The following DCC variants were observed in gnomAD, a reference collection of about 807,000 sequenced individuals.
DCC encodes the protein netrin receptor DCC.
Under a neutral mutation model 172.5 loss-of-function variants are expected in DCC, and 58 were observed. The ratio of observed to expected loss-of-function variants is 0.34; its 90% confidence interval spans 0.27 to 0.42. The LOEUF (loss-of-function observed/expected upper bound fraction) is 0.42. DCC is among the 10% of genes least tolerant of loss of function. The probability of loss-of-function intolerance (pLI) is 1.00; values close to 1 mark genes in which losing one functional copy is unlikely to be tolerated. For synonymous variants in DCC, 709 were observed against 644.5 expected (o/e 1.10, Z -1.52); for missense variants, 1,740 against 1,791.0 (o/e 0.97, Z 0.51).
chr18:53,471,442 T>C (rs1255593730), intron 25 of DCC, among the ~76,000 whole-genome samples: 1 of 152,196 alleles, frequency 6.6e-6, no homozygotes, highest in African/African-American at 2.4e-5. Flanking sequence ...AGCCTTTGCC[T>C]TTACAGTCAA....
At chr18:52,347,819 A>G (rs910958125) in intron 1 of DCC, among the ~76,000 whole-genome samples, 3 of 152,136 alleles carry the variant, frequency 2.0e-5, no homozygotes, top group Admixed American at 1.3e-4. Flanking sequence ...GACTAGATCA[A>G]CTCTAGTTAT....
At chr18:52,737,061 G>A (rs1161203419) in intron 1 of DCC, among the ~76,000 whole-genome samples, 1 of 152,142 alleles carries the variant, frequency 6.6e-6, no homozygotes, top group Non-Finnish European at 1.5e-5. Flanking sequence ...CATTCAAGGG[G>A]ACTTGCTGTT....
At chr18:52,451,471 G>A (rs902268774) in intron 1 of DCC, among the ~76,000 whole-genome samples, 1 of 152,130 alleles carries the variant, frequency 6.6e-6, no homozygotes, top group African/African-American at 2.4e-5. Flanking sequence ...GCCCCAGAAA[G>A]CCTCACTGTG....
chr18:52,873,913 CA>C (rs1177541864), intron 2 of DCC, among the ~76,000 whole-genome samples: 1 of 152,134 alleles, frequency 6.6e-6, no homozygotes, highest in Non-Finnish European at 1.5e-5. Context: ...TTTTTCTATC[CA>C]GAGTGTTTTA....
chr18:52,982,770 A>T (rs2041232209), intron 5 of DCC, among the ~76,000 whole-genome samples: 1 of 152,188 alleles, frequency 6.6e-6, no homozygotes, highest in African/African-American at 2.4e-5. Context: ...GTGATAGAAG[A>T]GGGATAATTT....
At chr18:53,222,050 T>C (rs1348795808) in intron 12 of DCC, among the ~76,000 whole-genome samples, 1 of 152,220 alleles carries the variant, frequency 6.6e-6, no homozygotes, top group Non-Finnish European at 1.5e-5. Context: ...TCCTGACCAG[T>C]TGCTAAATTG....
intron 1 of DCC, among the ~76,000 whole-genome samples, chr18:52,365,689 G>C (rs974251831): frequency 6.6e-6 from 1 of 152,178 alleles, no homozygotes; most frequent in East Asian, 1.9e-4. Context: ...CTGGGAGGAC[G>C]TGCTAATTTT....
intron 5 of DCC, among the ~76,000 whole-genome samples, chr18:52,998,099 A>G (rs556125969): frequency 6.7e-6 from 1 of 148,920 alleles, no homozygotes; most frequent in East Asian, 2.2e-4. Context: ...AATTAAAATT[A>G]AAATTAAATT....
At chr18:52,899,910 T>G (rs2039786284) in intron 2 of DCC, among the ~76,000 whole-genome samples, 1 of 152,216 alleles carries the variant, frequency 6.6e-6, no homozygotes, top group African/African-American at 2.4e-5. Flanking sequence ...GATATATATT[T>G]TTCATTCAAC....
chr18:52,448,798 T>C (rs1484105984), intron 1 of DCC, among the ~76,000 whole-genome samples: 1 of 152,244 alleles, frequency 6.6e-6, no homozygotes, highest in African/African-American at 2.4e-5. Flanking sequence ...TCCCAGCTAA[T>C]GGCCATAACT....
At chr18:52,387,574 T>TTCCTTC (rs551481939) in intron 1 of DCC, among the ~76,000 whole-genome samples, 2 of 121,996 alleles carry the variant, frequency 1.6e-5, no homozygotes, top group Non-Finnish European at 3.4e-5. Flanking sequence ...TTGTTTTGTT[T>TTCCTTC]CTTCCTTCCT....
Position 53,213,092 on chromosome 18 carries a change from A to T in DCC, c.1862-2456A>T, listed in dbSNP as rs114963535. Among the ~76,000 whole-genome samples the T allele has an allele frequency of 3.6e-3, 545 of 152,320 alleles. 3 individuals are homozygous for T. The highest frequency in any genetic ancestry group is 0.012 in the African/African-American group (513 of 41,578). ...TTTTCTTGGCTTTCTAGAAATAAGG[A>T]GTTAAATGCCACTTGTAAACTCAAA... On this transcript the variant is annotated intron_variant, in intron 11 of 28. Transcript: ENST00000442544.
chr18:52,566,062 C>A (rs1190286282), intron 1 of DCC, among the ~76,000 whole-genome samples: 1 of 152,098 alleles, frequency 6.6e-6, no homozygotes, highest in Non-Finnish European at 1.5e-5. Context: ...ATATGGCTAG[C>A]CAGTTTTCCC....
intron 21 of DCC, among the ~76,000 whole-genome samples, chr18:53,425,356 T>TC (rs749389788): frequency 1.8e-5 from 2 of 111,612 alleles, no homozygotes; most frequent in Admixed American, 1.9e-4. Flanking sequence ...GTTTCTCCTC[T>TC]CTTTTTTTTT....
intron 1 of DCC, among the ~76,000 whole-genome samples, chr18:52,647,348 C>A (rs2035039001): frequency 6.6e-6 from 1 of 152,204 alleles, no homozygotes; most frequent in African/African-American, 2.4e-5. Context: ...TCCTACCCAA[C>A]TTGAAGCCTG....
chr18:53,184,863 T>C (rs1252357379), intron 9 of DCC, among the ~76,000 whole-genome samples: 1 of 152,176 alleles, frequency 6.6e-6, no homozygotes, highest in Non-Finnish European at 1.5e-5. Flanking sequence ...TATGGTTACA[T>C]AAATTAAGCA....
At chr18:53,418,970 G>A (rs940991792) in intron 21 of DCC, among the ~76,000 whole-genome samples, 1 of 152,050 alleles carries the variant, frequency 6.6e-6, no homozygotes, top group Non-Finnish European at 1.5e-5. Context: ...CCTATCTCTT[G>A]CTCCATATCC....
intron 2 of DCC, among the ~76,000 whole-genome samples, chr18:52,894,793 C>CT (rs1410928446): frequency 6.6e-6 from 1 of 152,118 alleles, no homozygotes; most frequent in Non-Finnish European, 1.5e-5. Context: ...TATTCTGCTT[C>CT]TTGTTCTATT....
At chr18:52,724,400 C>G (rs1420561583) in intron 1 of DCC, among the ~76,000 whole-genome samples, 1 of 152,144 alleles carries the variant, frequency 6.6e-6, no homozygotes, top group Non-Finnish European at 1.5e-5. Flanking sequence ...CCTCCCAACT[C>G]AGATTCCCAA....
Sources: allele counts gnomAD v4.1 joint callset (sites outside exome capture counted in the v4.1 genomes callset), GRCh38; gene constraint gnomAD v4.1.1; transcripts MANE v1.5; gene names NCBI Gene and HGNC (gene_info 2026-07-23, HGNC 2026-07-21).